The following MSI2 variants were observed in gnomAD, a reference collection of about 807,000 sequenced individuals.
MSI2 encodes musashi RNA binding protein 2.
MSI2 carries 17 observed loss-of-function variants against 45.6 expected under a neutral mutation model. That is an observed-to-expected ratio of 0.37 (90% CI 0.26 to 0.56). The LOEUF (loss-of-function observed/expected upper bound fraction) is 0.56. Among genes scored for constraint, MSI2 ranks in the 20% least tolerant of loss-of-function variants. The probability of loss-of-function intolerance (pLI) is 0.77; values close to 1 mark genes in which losing one functional copy is unlikely to be tolerated. For synonymous variants in MSI2, 156 were observed against 158.2 expected, an observed-to-expected ratio of 0.99 and a Z score of 0.11; for missense variants, 293 against 444.2, an observed-to-expected ratio of 0.66 and a Z score of 3.06.
chr17:57,674,787 G>A (rs1048041655), intron 11 of MSI2, 185 bp from the exon 12 acceptor site: 18 of 782,138 alleles, frequency 2.3e-5, no homozygotes, highest in South Asian at 2.1e-4. Flanking sequence ...AGTCCCTGCT[G>A]ATGTTTTCGC....
intron 5 of MSI2, among the ~76,000 whole-genome samples, chr17:57,383,175 G>T (rs2083626995): frequency 6.6e-6 from 1 of 152,190 alleles, no homozygotes; most frequent in African/African-American, 2.4e-5. Flanking sequence ...ATGCCACTTG[G>T]AGAACAACTA....
intron 6 of MSI2, among the ~76,000 whole-genome samples, chr17:57,475,769 T>C (rs2085525209): frequency 6.6e-6 from 1 of 150,958 alleles, no homozygotes; most frequent in Non-Finnish European, 1.5e-5. Context: ...GAAAAGAGTG[T>C]TGTCTGTGTG....
At chr17:57,547,741 T>TACACAC (rs34631177) in intron 7 of MSI2, among the ~76,000 whole-genome samples, 1,546 of 123,388 alleles carry the variant, frequency 0.013, 18 homozygotes, top group Non-Finnish European at 0.015. Flanking sequence ...AGACAAAAAG[T>TACACAC]ACACACACAC....
In MSI2 at chr17:57,537,210, G is replaced by A. The variant is rs182596395; in HGVS notation, c.454+7486G>A. 2.1e-3 allele frequency among the ~76,000 whole-genome samples: 322 copies of A among 152,328 alleles called. 2 individuals carry two copies. The highest frequency in any genetic ancestry group is 7.2e-3 in the African/African-American group (299 of 41,580). On this transcript the variant is annotated intron_variant, in intron 7 of 13. Transcript: ENST00000284073. Reference sequence around the variant, plus strand: ...CCTCTGCCAGATTCTCAGAACCCAAGGTTCTGTGCCTCCAGTGGGCTCATT... The same window carrying A: ...CCTCTGCCAGATTCTCAGAACCCAAAGTTCTGTGCCTCCAGTGGGCTCATT...
At chr17:57,479,551 G>C (rs1046311450) in intron 6 of MSI2, among the ~76,000 whole-genome samples, 1 of 152,022 alleles carries the variant, frequency 6.6e-6, no homozygotes, top group African/African-American at 2.4e-5. Flanking sequence ...TTTAATTATG[G>C]GAAATTCAAC....
At chr17:57,491,981 C>T (rs1390661305) in intron 6 of MSI2, among the ~76,000 whole-genome samples, 1 of 152,174 alleles carries the variant, frequency 6.6e-6, no homozygotes, top group African/African-American at 2.4e-5. Flanking sequence ...TTGTAATTTG[C>T]TCCTGATACC....
At chr17:57,332,039 C>T (rs962374385) in intron 5 of MSI2, among the ~76,000 whole-genome samples, 20 of 151,952 alleles carry the variant, frequency 1.3e-4, no homozygotes, top group African/African-American at 4.4e-4. Context: ...TGGTCCTCTC[C>T]CAGGCACTGA....
At chr17:57,357,520 G>A (rs1916518522) in intron 5 of MSI2, among the ~76,000 whole-genome samples, 1 of 152,144 alleles carries the variant, frequency 6.6e-6, no homozygotes, top group South Asian at 2.1e-4. Flanking sequence ...CCGCTGGGTC[G>A]TGCCTGCTCA....
chr17:57,641,698 T>C (rs958474553), intron 10 of MSI2, among the ~76,000 whole-genome samples: 1 of 152,114 alleles, frequency 6.6e-6, no homozygotes, highest in African/African-American at 2.4e-5. Context: ...GAGGGTGTGA[T>C]TGGAAAGAAA....
intron 5 of MSI2, chr17:57,285,717 C>A: frequency 1.5e-6 from 1 of 678,094 alleles, no homozygotes; most frequent in Non-Finnish European, 2.2e-6. Context: ...GGAACGTCTC[C>A]CCAAGTAGGT....
At chr17:57,576,807 A>G (rs2088061523) in intron 7 of MSI2, among the ~76,000 whole-genome samples, 1 of 152,066 alleles carries the variant, frequency 6.6e-6, no homozygotes, top group African/African-American at 2.4e-5. Context: ...AAAGAAAAAA[A>G]AAAAGGAAGG....
rs551180727 is a variant in MSI2, at chr17:57,575,104, A to G, written c.455-21764A>G. On this transcript the variant is annotated intron_variant, in intron 7 of 13. Transcript: ENST00000284073. Reference sequence around the variant, plus strand: ...CTTGGCCTCCCAAAGTGCTGGAATTACAGGCGTGAGCCACTGTGCCCGGCC... The same window carrying G: ...CTTGGCCTCCCAAAGTGCTGGAATTGCAGGCGTGAGCCACTGTGCCCGGCC... Among the ~76,000 whole-genome samples, 19 of 151,734 alleles carry G rather than the reference A, an allele frequency of 1.3e-4. 1 individual carries two copies. The South Asian group carries it at 4.0e-3, about 32-fold the overall frequency.
chr17:57,522,769 A>G (rs947020995), intron 6 of MSI2: 1 of 152,204 alleles, frequency 6.6e-6, no homozygotes, highest in South Asian at 2.1e-4. Context: ...GACTCCCTCC[A>G]TGCTTGGTGC....
At position 57,681,867 on chromosome 17, in the gene MSI2, G is replaced by A. The variant is rs930723695; in HGVS notation, c.*2350G>A. ...AATAGTAAATTCCCAGAAATTCAGTGTTTAGACGAGGGAATTTAATTCCTA... is the reference window on the plus strand; with the variant it reads ...AATAGTAAATTCCCAGAAATTCAGTATTTAGACGAGGGAATTTAATTCCTA... On this transcript the variant is annotated 3_prime_UTR_variant, in exon 14 of 14. Coordinates refer to ENST00000284073, the MANE Select transcript of MSI2 (RefSeq NM_138962.4). 1 of 199,812 alleles carries A rather than the reference G, an allele frequency of 5.0e-6. No individual in the cohort carries two copies. Among genetic ancestry groups the A allele is most frequent in the Non-Finnish European group, 1.0e-5 (1 of 97,692 alleles). The allele number at this position is 199,812 out of a possible 1,614,324, so 12.4% of individuals were successfully genotyped here.
intron 5 of MSI2, among the ~76,000 whole-genome samples, chr17:57,365,653 C>T (rs374801199): frequency 6.6e-5 from 10 of 152,008 alleles, no homozygotes; most frequent in Admixed American, 3.3e-4. Context: ...AGTGAGCTCA[C>T]GGCTCAGTGT....
chr17:57,484,662 C>T (rs1260057254), intron 6 of MSI2, among the ~76,000 whole-genome samples: 3 of 152,200 alleles, frequency 2.0e-5, no homozygotes, highest in Non-Finnish European at 4.4e-5. Context: ...CAGTTGTCTT[C>T]ATTGCTGAGT....
At chr17:57,542,276 G>A (rs8079553) in intron 7 of MSI2, among the ~76,000 whole-genome samples, 6,694 of 152,254 alleles carry the variant, frequency 0.044, 275 homozygotes, top group African/African-American at 0.11. Flanking sequence ...AAGCAGAGAA[G>A]GGACCTTTCC....
At chr17:57,360,852 A>C (rs1916763148) in intron 5 of MSI2, among the ~76,000 whole-genome samples, 1 of 152,234 alleles carries the variant, frequency 6.6e-6, no homozygotes, top group Non-Finnish European at 1.5e-5. Context: ...CCTGCGTACA[A>C]CTTAATATTC....
rs375302981 is a variant in MSI2 at position 57,531,539 on chromosome 17, C to T, written c.454+1815C>T. Among the ~76,000 whole-genome samples, 4 of 152,272 alleles carry T rather than the reference C, an allele frequency of 2.6e-5. No homozygotes were observed. The South Asian group carries it at 8.3e-4, about 32-fold the overall frequency. ...ATGCATTTGTTAAAAAGAGCACTGC[C>T]AGCTATTTATTTTCAGGGTGGGTGA... On this transcript the variant is annotated intron_variant, in intron 7 of 13. Coordinates refer to ENST00000284073, the MANE Select transcript of MSI2 (RefSeq NM_138962.4).
Sources: allele counts gnomAD v4.1 joint callset (sites outside exome capture counted in the v4.1 genomes callset), GRCh38; gene constraint gnomAD v4.1.1; transcripts MANE v1.5; gene names NCBI Gene and HGNC (gene_info 2026-07-23, HGNC 2026-07-21).